The following KALRN variants were observed in gnomAD, a reference collection of about 807,000 sequenced individuals.
KALRN encodes kalirin RhoGEF kinase.
KALRN carries 70 observed loss-of-function variants against 353.7 expected under a neutral mutation model. The ratio of observed to expected loss-of-function variants is 0.20; its 90% CI spans 0.16 to 0.24. The LOEUF is 0.24. Among genes scored for constraint, KALRN ranks in the 10% least tolerant of loss-of-function variants. The probability of loss-of-function intolerance (pLI) is 1.00; values close to 1 mark genes in which losing one functional copy is unlikely to be tolerated. For synonymous variants in KALRN, 1,391 were observed against 1,434.8 expected (o/e 0.97, Z 0.69); for missense variants, 2,791 against 3,756.7 (o/e 0.74, Z 6.72).
At chr3:124,485,944 A>T (rs1195735737) in intron 28 of KALRN, among the ~76,000 whole-genome samples, 15 of 152,226 alleles carry the variant, frequency 9.9e-5, no homozygotes, top group Admixed American at 9.8e-4. Context: ...CCTGCTGAGT[A>T]AGAGAAAAAC....
intron 34 of KALRN, among the ~76,000 whole-genome samples, chr3:124,621,399 T>C (rs1561445927): frequency 1.3e-5 from 2 of 152,146 alleles, no homozygotes; most frequent in Non-Finnish European, 1.5e-5. Context: ...GTTGAGTTGG[T>C]AAAGGATGCA....
At chr3:124,575,543 A>G (rs2074005184) in intron 34 of KALRN, among the ~76,000 whole-genome samples, 2 of 152,190 alleles carry the variant, frequency 1.3e-5, no homozygotes, top group African/African-American at 4.8e-5. Flanking sequence ...TTCAAACAAC[A>G]ACACAAACTC....
In KALRN at chr3:124,719,090, A is replaced by C; in HGVS notation, c.8581A>C (p.Thr2861Pro). ...VIQGIPVSLGTDIWSIGVLTY... is the reference protein window; with the variant it reads ...VIQGIPVSLGPDIWSIGVLTY... ...TCAAGGCATCCCCGTCTCCCTGGGGACAGACATCTGGAGCATCGGGGTTCT... is the reference window on the plus strand; with the variant it reads ...TCAAGGCATCCCCGTCTCCCTGGGGCCAGACATCTGGAGCATCGGGGTTCT... Residue 2861 changes from threonine (T) to proline (P), a missense_variant, in exon 60 of 60, where the codon ACA becomes CCA. Transcript: ENST00000682506. This position sits in a 1 kb window ranked among gnomAD's most constrained non-coding sequence, Gnocchi z 5.3. 1 of 1,614,210 alleles carries C rather than the reference A, an allele frequency of 6.2e-7. No homozygotes were observed. The highest frequency in any genetic ancestry group is 8.5e-7 in the Non-Finnish European group (1 of 1,180,032).
intron 1 of KALRN, among the ~76,000 whole-genome samples, chr3:124,093,934 AC>A (rs1443627814): frequency 6.6e-6 from 1 of 152,046 alleles, no homozygotes; most frequent in African/African-American, 2.4e-5. Flanking sequence ...GGGATAGAAA[AC>A]CGTGGGATGT....
intron 3 of KALRN, among the ~76,000 whole-genome samples, chr3:124,251,454 C>T (rs919872128): frequency 2.6e-5 from 4 of 151,460 alleles, no homozygotes; most frequent in Admixed American, 6.6e-5. Context: ...ACTGCCACCT[C>T]CACCTTCTGG....
chr3:124,599,150 G>C (rs1251878080), intron 34 of KALRN, among the ~76,000 whole-genome samples: 1 of 152,158 alleles, frequency 6.6e-6, no homozygotes, highest in Non-Finnish European at 1.5e-5. Flanking sequence ...TATTATTTGT[G>C]TTCTCTACCA....
intron 10 of KALRN, among the ~76,000 whole-genome samples, chr3:124,351,988 G>A (rs572136632): frequency 1.4e-4 from 21 of 152,298 alleles, no homozygotes; most frequent in African/African-American, 3.8e-4. Flanking sequence ...GGCCCAGGAA[G>A]GGATACACCA....
chr3:124,658,617 C>G (rs1292921979), intron 42 of KALRN, 100 bp downstream of exon 42: 1 of 845,492 alleles, frequency 1.2e-6, no homozygotes, highest in African/African-American at 1.7e-5. Context: ...TATGTGACCC[C>G]CACACAGCAC....
intron 13 of KALRN, chr3:124,407,763 C>T (rs937059499): frequency 3.3e-5 from 5 of 152,150 alleles, no homozygotes; most frequent in Admixed American, 2.6e-4. Flanking sequence ...CGCACAAATA[C>T]GTGAAGCATT....
intron 41 of KALRN, 41 bp from the exon 42 acceptor site, chr3:124,658,390 A>G: frequency 6.8e-7 from 1 of 1,475,564 alleles, no homozygotes; most frequent in Non-Finnish European, 9.5e-7. Flanking sequence ...CAAAAGACAC[A>G]AGATGCCTGA....
At chr3:124,121,002 G>T (rs1476548297) in intron 1 of KALRN, among the ~76,000 whole-genome samples, 1 of 145,036 alleles carries the variant, frequency 6.9e-6, no homozygotes, top group Non-Finnish European at 1.5e-5. Flanking sequence ...GCTGAGGCAT[G>T]AGAATTGCTT....
chr3:124,572,896 G>T (rs760251003), intron 34 of KALRN, among the ~76,000 whole-genome samples: 7 of 152,098 alleles, frequency 4.6e-5, no homozygotes, highest in Non-Finnish European at 1.0e-4. Flanking sequence ...AAAAAGCCGG[G>T]CATGGTGGTG....
chr3:124,074,154 T>C (rs1297166083), intron 1 of KALRN, among the ~76,000 whole-genome samples: 2 of 152,090 alleles, frequency 1.3e-5, no homozygotes, highest in Non-Finnish European at 2.9e-5. Context: ...GGTTTGCATT[T>C]CTACAGTCAG....
intron 5 of KALRN, among the ~76,000 whole-genome samples, chr3:124,286,665 A>T (rs1338155073): frequency 6.6e-6 from 1 of 152,216 alleles, no homozygotes; most frequent in Admixed American, 6.5e-5. Flanking sequence ...TATACTCTGC[A>T]ATTCTAGAAT....
chr3:124,479,682 T>C (rs185170877), intron 27 of KALRN, among the ~76,000 whole-genome samples: 3 of 150,988 alleles, frequency 2.0e-5, no homozygotes, highest in Middle Eastern at 3.5e-3. Context: ...AGAATTAAAG[T>C]CCTAGAAAGG....
chr3:124,161,488 C>A (rs1370685404), intron 1 of KALRN, among the ~76,000 whole-genome samples: 2 of 152,328 alleles, frequency 1.3e-5, no homozygotes, highest in East Asian at 1.9e-4. Context: ...CAAGGTTGTT[C>A]TCCTGCCTTA....
At chr3:124,269,398 TAAG>T (rs1336364049) in intron 5 of KALRN, 143 bp downstream of exon 5, 2 of 836,806 alleles carry the variant, frequency 2.4e-6, no homozygotes, top group African/African-American at 3.4e-5. Flanking sequence ...GTAATTTTTT[TAAG>T]CTCACCCTTA....
rs2063314795 is a variant in KALRN, at chr3:124,719,746, G to A, written c.*276G>A. On this transcript the variant is annotated 3_prime_UTR_variant, in exon 60 of 60. Coordinates refer to ENST00000682506, the MANE Select transcript of KALRN (RefSeq NM_001388419.1). The surrounding 1 kb of genome is among the most constrained non-coding windows in gnomAD (Gnocchi z 5.3). ...AAGGGCAAAGATAAGAACAATATTA[G>A]CTGTTACGAAATTTTAACTGTATCT... 3.2e-6 allele frequency: 1 copy of A among 316,168 alleles called. No individual in the cohort carries two copies. Among genetic ancestry groups the A allele is most frequent in the South Asian group, 6.7e-5 (1 of 14,852 alleles). 19.6% of individuals were successfully genotyped at this position (316,168 alleles called of 1,614,324 possible). A position where few individuals can be genotyped will look rare whatever the true frequency, so the allele number is the denominator to read the frequency against.
chr3:124,343,323 A>AT (rs901009622), intron 9 of KALRN, among the ~76,000 whole-genome samples: 31 of 151,658 alleles, frequency 2.0e-4, no homozygotes, highest in Admixed American at 1.1e-3. Context: ...ACGCCTGGCA[A>AT]TTTTTTTTGT....
Sources: gnomAD v4.1 joint callset for allele counts (sites outside exome capture counted in the v4.1 genomes callset) on GRCh38, gnomAD v4.1.1 for gene constraint, Gnocchi (gnomAD v3.1) non-coding constraint, MANE v1.5 for transcripts, NCBI Gene and HGNC (gene_info 2026-07-23, HGNC 2026-07-21) for gene names.